Variants in TRPV4 observed in about 807,000 individuals in gnomAD.
TRPV4 encodes OSM9-like transient receptor potential channel 4.
A neutral mutation model predicts 84.1 loss-of-function variants in TRPV4; 58 were observed. The observed-to-expected ratio is 0.69, with a 90% CI of 0.56 to 0.86. TRPV4 has a LOEUF of 0.86. Among genes scored for constraint, TRPV4 ranks in the 40% least tolerant of loss-of-function variants. TRPV4 has a pLI of 0.00. For missense variants in TRPV4, 879 were observed against 1,181.1 expected, an observed-to-expected ratio of 0.74 and a Z score of 3.75; for synonymous variants, 489 against 500.9, an observed-to-expected ratio of 0.98 and a Z score of 0.32.
In TRPV4 at chr12:109,792,763, G is replaced by A. The variant is rs185933892; in HGVS notation, c.1713C>T (p.Ile571=). ...IVSAALYLAG[I]EAYLAVMVFA... ...AGACCATCACGGCCAGGTAGGCCTCGATCCCTGCCAGGTAGAGGGCTGCTG... is the reference window on the plus strand; with the variant it reads ...AGACCATCACGGCCAGGTAGGCCTCAATCCCTGCCAGGTAGAGGGCTGCTG... Residue 571 remains isoleucine (I), a synonymous_variant, in exon 11 of 16, where the codon ATC becomes ATT. Coordinates refer to ENST00000261740, the MANE Select transcript of TRPV4 (RefSeq NM_021625.5). 5.0e-6 allele frequency: 8 copies of A among 1,613,930 alleles called. No homozygotes were observed. The highest frequency in any genetic ancestry group is 3.3e-5 in the Admixed American group (2 of 59,986).
At position 109,791,970 on chromosome 12, in the gene TRPV4, C is replaced by A. The variant is rs563255783; in HGVS notation, c.1891+393G>T. 5.3e-5 allele frequency among the ~76,000 whole-genome samples: 8 copies of A among 151,904 alleles called. No homozygotes were observed. The East Asian group carries it at 1.4e-3, about 26-fold the overall frequency. On this transcript the variant is annotated intron_variant, in intron 12 of 15. Coordinates refer to ENST00000261740, the MANE Select transcript of TRPV4 (RefSeq NM_021625.5). ...CAGTGGCCAGGCGCGTTGGCTCACA[C>A]CTGTAATCCCACCATTTTGGGAGGC...
chr12:109,783,420 G>A lies in TRPV4; in HGVS notation c.*201C>T, dbSNP rs1022538005. On this transcript the variant is annotated 3_prime_UTR_variant, in exon 16 of 16. Coordinates refer to ENST00000261740, the MANE Select transcript of TRPV4 (RefSeq NM_021625.5). The surrounding 1 kb of genome is among the most constrained non-coding windows in gnomAD (Gnocchi z 4.6). ...GGCTTATGTGACTCCATAGGAGCAA[G>A]ACAGGTGGCCGGGAGCCCCCACCCC... 1 of 638,024 alleles carries A rather than the reference G, an allele frequency of 1.6e-6. No individual in the cohort carries two copies. Among genetic ancestry groups the A allele is most frequent in the East Asian group, 2.8e-5 (1 of 35,562 alleles). The allele number at this position is 638,024 out of a possible 1,614,324, so 39.5% of individuals were successfully genotyped here.
intron 3 of TRPV4, among the ~76,000 whole-genome samples, chr12:109,806,325 G>A (rs1258328297): frequency 6.7e-6 from 1 of 149,550 alleles, no homozygotes; most frequent in Non-Finnish European, 1.5e-5. Flanking sequence ...TTCCTAAGTA[G>A]CTGAAATTAC....
At position 109,798,569 on chromosome 12, in the gene TRPV4, G is replaced by T; in HGVS notation, c.1152+45C>A. 6.2e-7 allele frequency: 1 copy of T among 1,602,712 alleles called. No homozygotes were observed. The highest frequency in any genetic ancestry group is 1.1e-5 in the South Asian group (1 of 90,830). On this transcript the variant is annotated intron_variant, in intron 6 of 15. Coordinates refer to ENST00000261740, the MANE Select transcript of TRPV4 (RefSeq NM_021625.5). The surrounding 1 kb of genome is among the most constrained non-coding windows in gnomAD (Gnocchi z 5.0). ...CAGACCCTCGTGTGTGTGTGCAGAG[G>T]GGTACGAGTAGGTGGATCAGCTGTG...
chr12:109,813,965 A>C (rs540570270), intron 2 of TRPV4, among the ~76,000 whole-genome samples: 1 of 151,980 alleles, frequency 6.6e-6, no homozygotes, highest in South Asian at 2.1e-4. Context: ...GTATAAATGA[A>C]TAGATGAATG....
intron 1 of TRPV4, among the ~76,000 whole-genome samples, chr12:109,820,027 G>C (rs1055608956): frequency 5.9e-5 from 9 of 152,176 alleles, no homozygotes; most frequent in African/African-American, 2.2e-4. Flanking sequence ...AAGGGCCCAA[G>C]GGGCAGCAGT....
chr12:109,783,738 G>T lies in TRPV4; in HGVS notation c.2499C>A (p.Asn833Lys), dbSNP rs147045782. Residue 833 changes from asparagine (N) to lysine (K), a missense_variant, in exon 16 of 16, where the codon AAC becomes AAA. Physicochemically the swap from Asn to Lys is moderately conservative, Grantham distance 94. Transcript: ENST00000261740. This position sits in a 1 kb window ranked among gnomAD's most constrained non-coding sequence, Gnocchi z 4.6. The stretch of plus-strand genomic sequence containing the variant: ...CCACCTCGTCCGGGTTCGAGTTCTT[G>T]TTCAGTTCCACCACGCGGGGTACCA... ...SSVVPRVVEL[N>K]KNSNPDEVVV... is the part of the protein sequence containing the mutation. The T allele has an allele frequency of 3.1e-6, 5 of 1,613,642 alleles. No individual in the cohort carries two copies. Among genetic ancestry groups the T allele is most frequent in the African/African-American group, 1.3e-5 (1 of 74,994 alleles).
At chr12:109,807,350 C>T (rs769046645) in intron 3 of TRPV4, among the ~76,000 whole-genome samples, 7 of 151,464 alleles carry the variant, frequency 4.6e-5, no homozygotes, top group South Asian at 2.1e-4. Flanking sequence ...AACCATGGTC[C>T]GCCTTCCAAG....
At chr12:109,823,556 A>G (rs1892169447) in intron 1 of TRPV4, among the ~76,000 whole-genome samples, 1 of 152,198 alleles carries the variant, frequency 6.6e-6, no homozygotes, top group Non-Finnish European at 1.5e-5. Flanking sequence ...TGTAGACACA[A>G]AAGGCCACAT....
At chr12:109,832,886 G>C (rs1892453495) in intron 1 of TRPV4, among the ~76,000 whole-genome samples, 1 of 143,862 alleles carries the variant, frequency 7.0e-6, no homozygotes, top group South Asian at 2.4e-4. Context: ...CCTCTTGGAG[G>C]AAACAGCCGT....
chr12:109,788,731 G>C lies in TRPV4; in HGVS notation c.1892-15C>G. ...GGAGACCAGGGCTGTGGGAGGATAGGGGTGGCACTCACTGAGTGTGAGCAC... is the reference window on the plus strand; with the variant it reads ...GGAGACCAGGGCTGTGGGAGGATAGCGGTGGCACTCACTGAGTGTGAGCAC... On this transcript the variant is annotated splice_polypyrimidine_tract_variant and intron_variant, in intron 12 of 15. Transcript: ENST00000261740. The C allele has an allele frequency of 6.2e-7, 1 of 1,613,882 alleles. No homozygotes were observed.
At chr12:109,784,699 C>T (rs1178891538) in intron 14 of TRPV4, among the ~76,000 whole-genome samples, 3 of 151,502 alleles carry the variant, frequency 2.0e-5, no homozygotes, top group Non-Finnish European at 2.9e-5. Flanking sequence ...AAAAAATTAG[C>T]GGGGCATGGT....
intron 3 of TRPV4, among the ~76,000 whole-genome samples, chr12:109,805,330 G>C (rs1261466129): frequency 2.0e-5 from 3 of 152,222 alleles, no homozygotes; most frequent in Non-Finnish European, 2.9e-5. Context: ...AGTGGAACTA[G>C]AGACCCTGGA....
At position 109,796,410 on chromosome 12, in the gene TRPV4, C is replaced by A. The variant is rs939750652; in HGVS notation, c.1332+115G>T. On this transcript the variant is annotated intron_variant, in intron 7 of 15. Transcript: ENST00000261740. The surrounding 1 kb of genome is among the most constrained non-coding windows in gnomAD (Gnocchi z 4.2). ...CTCTTGCATTCAGCCAACAGACCCA[C>A]CACGTTGGGTCCTAGAGGCTGGGGC... is the stretch of plus-strand genomic sequence containing the variant. 15 of 1,216,824 alleles carry A rather than the reference C, an allele frequency of 1.2e-5. No individual in the cohort carries two copies. The Admixed American group carries it at 3.0e-4, about 24-fold the overall frequency. The allele number at this position is 1,216,824 out of a possible 1,614,324, so 75.4% of individuals were successfully genotyped here. A position where few individuals can be genotyped will look rare whatever the true frequency, so the allele number is the denominator to read the frequency against.
rs556170336 is a variant in TRPV4, at chr12:109,783,199, G to A, written c.*422C>T. 4.4e-5 allele frequency: 8 copies of A among 181,156 alleles called. No homozygotes were observed. The highest frequency in any genetic ancestry group is 1.5e-4 in the South Asian group (1 of 6,646). 11.2% of individuals were successfully genotyped at this position (181,156 alleles called of 1,614,324 possible). ...CCCCAGCCCCTTGCAAAGCTGCCAC[G>A]CTGCCAAAAATGGTGGCGCATGCAG... On this transcript the variant is annotated 3_prime_UTR_variant, in exon 16 of 16. Transcript: ENST00000261740. The surrounding 1 kb of genome is among the most constrained non-coding windows in gnomAD (Gnocchi z 4.6).
At chr12:109,801,095 C>T (rs1173258953) in intron 4 of TRPV4, among the ~76,000 whole-genome samples, 4 of 152,250 alleles carry the variant, frequency 2.6e-5, no homozygotes, top group Non-Finnish European at 2.9e-5. Flanking sequence ...GGGAGATCAC[C>T]TGAGCCCAGG....
intron 12 of TRPV4, among the ~76,000 whole-genome samples, chr12:109,789,487 C>G (rs1159462763): frequency 2.6e-5 from 4 of 152,166 alleles, no homozygotes; most frequent in Non-Finnish European, 2.9e-5. Context: ...TGAAACCAGG[C>G]ATCAGTCCTG....
chr12:109,790,458 C>T (rs1425663613), intron 12 of TRPV4, among the ~76,000 whole-genome samples: 1 of 152,172 alleles, frequency 6.6e-6, no homozygotes, highest in Non-Finnish European at 1.5e-5. Context: ...CATGACATCA[C>T]GAAGAAGGTA....
intron 4 of TRPV4, among the ~76,000 whole-genome samples, chr12:109,802,616 T>TTTA (rs201958976): frequency 0.015 from 1,584 of 105,132 alleles, 41 homozygotes; most frequent in African/African-American, 0.073. Flanking sequence ...TTTATTTTAT[T>TTTA]TTTTTTTTTT....
Sources: allele counts gnomAD v4.1 joint callset (sites outside exome capture counted in the v4.1 genomes callset), GRCh38; gene constraint gnomAD v4.1.1; non-coding constraint Gnocchi (gnomAD v3.1); transcripts MANE v1.5; gene names NCBI Gene and HGNC (gene_info 2026-07-23, HGNC 2026-07-21).